Variants in DUSP1 observed in about 807,000 individuals in gnomAD.
DUSP1 encodes dual specificity protein phosphatase 1.
In DUSP1, 10 loss-of-function variants were observed where a neutral mutation model predicts 27.4. That is an observed-to-expected ratio of 0.37 (90% CI 0.23 to 0.62). The LOEUF is 0.62. Ranked by LOEUF, DUSP1 falls within the 20% of genes least tolerant of loss-of-function variation. The probability of loss-of-function intolerance (pLI) is 0.68; values close to 1 mark genes in which losing one functional copy is unlikely to be tolerated. For synonymous variants in DUSP1, 262 were observed against 223.6 expected, an observed-to-expected ratio of 1.17 and a Z score of -1.53; for missense variants, 425 against 508.1, an observed-to-expected ratio of 0.84 and a Z score of 1.57.
At position 172,768,879 on chromosome 5, in the gene DUSP1, G is replaced by T. The variant is rs753825565; in HGVS notation, c.987C>A (p.Leu329=). ...CGGTGGTGGTGGAGGTGCCTCGGTC[G>T]AGCACAGCCATGGCGGGGCTCCCAG... ...AEAGSPAMAV[L]DRGTSTTTVF... is the part of the protein sequence containing the mutation. The change falls in exon 4 of 4, where the codon CTC becomes CTA. Residue 329 remains leucine, a synonymous_variant. Coordinates refer to ENST00000239223, the MANE Select transcript of DUSP1 (RefSeq NM_004417.4). 30 of 1,611,738 alleles carry T rather than the reference G, an allele frequency of 1.9e-5. No individual in the cohort carries two copies. Among genetic ancestry groups the T allele is most frequent in the Non-Finnish European group, 2.5e-5 (30 of 1,178,442 alleles).
chr5:172,771,132 T>A lies in DUSP1; in HGVS notation c.-180A>T. The A allele has an allele frequency of 2.4e-6, 2 of 832,778 alleles. No individual in the cohort carries two copies. Among genetic ancestry groups the A allele is most frequent in the Non-Finnish European group, 1.6e-6 (1 of 607,502 alleles). The allele number at this position is 832,778 out of a possible 1,614,324, so 51.6% of individuals were successfully genotyped here. A position where few individuals can be genotyped will look rare whatever the true frequency, so the allele number is the denominator to read the frequency against. ...ACGCGGGGCTCCGGGCTCCTCGGCTTCTTCGCGGTTCCCCCGACTGCCCCT... is the reference window on the plus strand; with the variant it reads ...ACGCGGGGCTCCGGGCTCCTCGGCTACTTCGCGGTTCCCCCGACTGCCCCT... On this transcript the variant is annotated 5_prime_UTR_variant, in exon 1 of 4. Coordinates refer to ENST00000239223, the MANE Select transcript of DUSP1 (RefSeq NM_004417.4).
At chr5:172,769,541 A>C in intron 3 of DUSP1, 34 bp downstream of exon 3, 2 of 1,611,278 alleles carry the variant, frequency 1.2e-6, no homozygotes, top group Non-Finnish European at 1.7e-6. Context: ...GAGAAGAGAA[A>C]GGCAGAAAAG....
chr5:172,768,882 C>T lies in DUSP1; in HGVS notation c.984G>A (p.Val328=), dbSNP rs1759834230. 6.2e-7 allele frequency: 1 copy of T among 1,611,956 alleles called. No homozygotes were observed. Among genetic ancestry groups the T allele is most frequent in the African/African-American group, 1.3e-5 (1 of 74,908 alleles). Residue 328 remains valine (V), a synonymous_variant, in exon 4 of 4, where the codon GTG becomes GTA. Coordinates refer to ENST00000239223, the MANE Select transcript of DUSP1 (RefSeq NM_004417.4). ...SAEAGSPAMA[V]LDRGTSTTTV... ...TGGTGGTGGAGGTGCCTCGGTCGAG[C>T]ACAGCCATGGCGGGGCTCCCAGCCT...
Position 172,769,029 on chromosome 5 carries a change from G to A in DUSP1, c.837C>T (p.Val279=), listed in dbSNP as rs1318828181. Residue 279 remains valine, a synonymous_variant, in exon 4 of 4, where the codon GTC becomes GTT. Transcript: ENST00000239223. Reference sequence around the variant, plus strand: ...CAAACTCAAAGGCCTCGTCCAGCTTGACTCGATTAGTCCTCATAAGGTAAG... The same window carrying A: ...CAAACTCAAAGGCCTCGTCCAGCTTAACTCGATTAGTCCTCATAAGGTAAG... The part of the protein sequence containing the change: ...CLAYLMRTNR[V]KLDEAFEFVK... 1 of 1,614,066 alleles carries A rather than the reference G, an allele frequency of 6.2e-7. No individual in the cohort carries two copies. Among genetic ancestry groups the A allele is most frequent in the Non-Finnish European group, 8.5e-7 (1 of 1,180,036 alleles).
Position 172,770,610 on chromosome 5 carries a change from C to A in DUSP1, c.343G>T (p.Ala115Ser), listed in dbSNP as rs1759873358. Residue 115 changes from alanine to serine, a missense_variant, in exon 1 of 4, where the codon GCC becomes TCC. Ala to Ser is a moderately conservative substitution (Grantham distance 99, BLOSUM62 1). Transcript: ENST00000239223. Reference sequence around the variant, plus strand: ...CCTTTGAGGAAGAAGACTTGCGCGGCGCGCGCCTCGCGGCAGAGCGCGCCG... The same window carrying A: ...CCTTTGAGGAAGAAGACTTGCGCGGAGCGCGCCTCGCGGCAGAGCGCGCCG... ...AAGALCREAR[A>S]AQVFFLKGGY... 1 of 1,343,196 alleles carries A rather than the reference C, an allele frequency of 7.4e-7. No homozygotes were observed. Among genetic ancestry groups the A allele is most frequent in the Non-Finnish European group, 9.5e-7 (1 of 1,053,756 alleles). The allele number at this position is 1,343,196 out of a possible 1,614,324, so 83.2% of individuals were successfully genotyped here. A position where few individuals can be genotyped will look rare whatever the true frequency, so the allele number is the denominator to read the frequency against.
At chr5:172,769,205 T>C in intron 3 of DUSP1, 73 bp from the exon 4 acceptor site, 1 of 1,528,430 alleles carries the variant, frequency 6.5e-7, no homozygotes, top group South Asian at 1.3e-5. Flanking sequence ...ACAGTGTATC[T>C]GAGAAAGGTC....
Position 172,768,688 on chromosome 5 carries a change from G to A in DUSP1, c.*74C>T, listed in dbSNP as rs1581472061. 1.4e-6 allele frequency: 2 copies of A among 1,459,716 alleles called. No homozygotes were observed. The highest frequency in any genetic ancestry group is 1.6e-5 in the South Asian group (1 of 64,444). The allele number at this position is 1,459,716 out of a possible 1,614,324, so 90.4% of individuals were successfully genotyped here. ...GACCAGCCCTCTCGAGCCCCTCCCA[G>A]AGTTATTGCATTTCTCCTCTCAAGG... On this transcript the variant is annotated 3_prime_UTR_variant, in exon 4 of 4. Transcript: ENST00000239223.
rs778935204 is a variant in DUSP1 at position 172,770,573 on chromosome 5, C to T, written c.367+13G>A. 1.4e-6 allele frequency: 2 copies of T among 1,404,940 alleles called. No individual in the cohort carries two copies. Among genetic ancestry groups the T allele is most frequent in the South Asian group, 1.7e-5 (1 of 57,738 alleles). 87.0% of individuals were successfully genotyped at this position (1,404,940 alleles called of 1,614,324 possible). ...GGGTGTGCGGCCCGCCCCGAGCTTC[C>T]CCGAGGGCGTACCTTTGAGGAAGAA... On this transcript the variant is annotated intron_variant, in intron 1 of 3. Transcript: ENST00000239223.
In DUSP1 at chr5:172,770,301, A is replaced by T; in HGVS notation, c.373T>A (p.Tyr125Asn). 1 of 1,611,382 alleles carries T rather than the reference A, an allele frequency of 6.2e-7. No homozygotes were observed. Among genetic ancestry groups the T allele is most frequent in the Non-Finnish European group, 8.5e-7 (1 of 1,179,002 alleles). ...AAQVFFLKGG[Y>N]EAFSASCPEL... is the part of the protein sequence containing the mutation. ...GGGCAGGAAGCCGAAAACGCTTCGT[A>T]TCCTCCTGGGAATACAAAGACATTT... Residue 125 changes from tyrosine to asparagine, a missense_variant, in exon 2 of 4, where the codon TAC (tyrosine) becomes AAC (asparagine). This residue lies in a region of DUSP1 where 282 missense variants were observed against 319.3 expected (regional missense o/e 0.88). Transcript: ENST00000239223.
chr5:172,770,527 G>A (rs1759871298), intron 1 of DUSP1, 59 bp downstream of exon 1: 1 of 1,459,576 alleles, frequency 6.9e-7, no homozygotes, highest in Non-Finnish European at 8.9e-7. Context: ...CGAGAGCCAG[G>A]GGTACCGGGC....
intron 1 of DUSP1, 114 bp from the exon 2 acceptor site, chr5:172,770,420 G>A: frequency 6.4e-7 from 1 of 1,555,092 alleles, no homozygotes; most frequent in Non-Finnish European, 8.6e-7. Context: ...GCCCAGGCAA[G>A]TCTTTGTTTC....
In DUSP1 at chr5:172,771,143, C is replaced by A; in HGVS notation, c.-191G>T. Reference sequence around the variant, plus strand: ...CGGGCTCCTCGGCTTCTTCGCGGTTCCCCCGACTGCCCCTCCGACCCGCGT... The same window carrying A: ...CGGGCTCCTCGGCTTCTTCGCGGTTACCCCGACTGCCCCTCCGACCCGCGT... On this transcript the variant is annotated 5_prime_UTR_variant, in exon 1 of 4. Coordinates refer to ENST00000239223, the MANE Select transcript of DUSP1 (RefSeq NM_004417.4). 7.3e-6 allele frequency: 5 copies of A among 682,244 alleles called. No homozygotes were observed. Among genetic ancestry groups the A allele is most frequent in the Middle Eastern group, 9.0e-4 (2 of 2,212 alleles). 42.3% of individuals were successfully genotyped at this position (682,244 alleles called of 1,614,324 possible).
Position 172,769,680 on chromosome 5 carries a change from A to G in DUSP1, c.628T>C (p.Cys210Arg). 1 of 1,614,284 alleles carries G rather than the reference A, an allele frequency of 6.2e-7. No individual in the cohort carries two copies. Among genetic ancestry groups the G allele is most frequent in the Non-Finnish European group, 8.5e-7 (1 of 1,180,052 alleles). ...ITALINVSAN[C>R]PNHFEGHYQY... ...TAGTGACCCTCAAAATGGTTGGGACAATTGGCTGAGACGTTGATCAAGGCA... is the reference window on the plus strand; with the variant it reads ...TAGTGACCCTCAAAATGGTTGGGACGATTGGCTGAGACGTTGATCAAGGCA... Residue 210 changes from cysteine to arginine, a missense_variant, in exon 3 of 4, where the codon TGT becomes CGT. Around this residue, in one of 3 missense-constraint regions of DUSP1, gnomAD observed 282 missense variants for 319.3 expected, o/e 0.88. Coordinates refer to ENST00000239223, the MANE Select transcript of DUSP1 (RefSeq NM_004417.4).
At chr5:172,769,535 A>G in intron 3 of DUSP1, 40 bp downstream of exon 3, 1 of 1,609,710 alleles carries the variant, frequency 6.2e-7, no homozygotes, top group Non-Finnish European at 8.5e-7. Flanking sequence ...TAAAATGAGA[A>G]GAGAAAGGCA....
chr5:172,769,262 A>G (rs1261608591), intron 3 of DUSP1, 130 bp from the exon 4 acceptor site: 2 of 1,392,618 alleles, frequency 1.4e-6, no homozygotes, highest in African/African-American at 1.4e-5. Context: ...ATGCCATCAC[A>G]TGGATACTGT....
In DUSP1 at chr5:172,768,642, G is replaced by A. The variant is rs1208641742; in HGVS notation, c.*120C>T. 12 of 1,315,768 alleles carry A rather than the reference G, an allele frequency of 9.1e-6. No individual in the cohort carries two copies. Among genetic ancestry groups the A allele is most frequent in the East Asian group, 8.2e-5 (3 of 36,532 alleles). 81.5% of individuals were successfully genotyped at this position (1,315,768 alleles called of 1,614,324 possible). A position where few individuals can be genotyped will look rare whatever the true frequency, so the allele number is the denominator to read the frequency against. On this transcript the variant is annotated 3_prime_UTR_variant, in exon 4 of 4. Coordinates refer to ENST00000239223, the MANE Select transcript of DUSP1 (RefSeq NM_004417.4). ...ACTGCTTAGAAACCCAGAGGAACTC[G>A]GGTGAAGTTAAATAAATAAGGACCA...
Position 172,768,677 on chromosome 5 carries a change from A to AGCCCAGAGG in DUSP1, c.*84_*85insCCTCTGGGC. 2 of 1,439,992 alleles carry AGCCCAGAGG rather than the reference A, an allele frequency of 1.4e-6. No individual in the cohort carries two copies. The highest frequency in any genetic ancestry group is 3.3e-5 in the South Asian group (2 of 60,790). The allele number at this position is 1,439,992 out of a possible 1,614,324, so 89.2% of individuals were successfully genotyped here. On this transcript the variant is annotated 3_prime_UTR_variant, in exon 4 of 4. Transcript: ENST00000239223. ...AAATAAATAAGGACCAGCCCTCTCG[A>AGCCCAGAGG]GCCCCTCCCAGAGTTATTGCATTTC...
rs752980356 is a variant in DUSP1, at chr5:172,769,034, G to C, written c.832C>G (p.Arg278Gly). The C allele has an allele frequency of 1.9e-6, 3 of 1,614,038 alleles. No individual in the cohort carries two copies. The highest frequency in any genetic ancestry group is 1.6e-4 in the Middle Eastern group (1 of 6,084). ...ICLAYLMRTN[R>G]VKLDEAFEFV... ...TCAAAGGCCTCGTCCAGCTTGACTC[G>C]ATTAGTCCTCATAAGGTAAGCAAGG... is the stretch of plus-strand genomic sequence containing the variant. The change falls in exon 4 of 4, where the codon CGA becomes GGA. Residue 278 changes from arginine (R) to glycine (G), a missense_variant. Physicochemically the swap from Arg to Gly is moderately radical, Grantham distance 125. Transcript: ENST00000239223.
rs755096464 is a variant in DUSP1, at chr5:172,770,645, G to C, written c.308C>G (p.Ala103Gly). 1.5e-6 allele frequency: 2 copies of C among 1,312,342 alleles called. No individual in the cohort carries two copies. Among genetic ancestry groups the C allele is most frequent in the Non-Finnish European group, 1.9e-6 (2 of 1,036,944 alleles). The allele number at this position is 1,312,342 out of a possible 1,614,324, so 81.3% of individuals were successfully genotyped here. ...LDGAKRDGTL[A>G]LAAGALCREA... ...GCGGCAGAGCGCGCCGGCCGCCAGG[G>C]CCAGGGTGCCGTCGCGCTTGGCGCC... Residue 103 changes from alanine to glycine, a missense_variant, in exon 1 of 4, where the codon GCC (alanine) becomes GGC (glycine). By Grantham distance (60) the Ala-to-Gly change is moderately conservative (BLOSUM62 0). This residue lies in a region of DUSP1 where 282 missense variants were observed against 319.3 expected (regional missense o/e 0.88). Transcript: ENST00000239223.
Sources: allele counts gnomAD v4.1 joint callset, GRCh38; gene constraint gnomAD v4.1.1; regional missense constraint gnomAD v4.1.1; transcripts MANE v1.5; gene names NCBI Gene and HGNC (gene_info 2026-07-23, HGNC 2026-07-21).